The following GULP1 variants were observed in gnomAD, a reference collection of about 807,000 sequenced individuals.
The protein encoded by GULP1 is PTB domain-containing engulfment adapter protein 1.
GULP1 carries 19 observed loss-of-function variants against 40.9 expected under a neutral mutation model. The ratio of observed to expected loss-of-function variants is 0.46; its 90% CI spans 0.32 to 0.68. The LOEUF is 0.68. Ranked by LOEUF, GULP1 falls within the 30% of genes least tolerant of loss-of-function variation. The pLI is 0.03. For missense variants in GULP1, 312 were observed against 362.2 expected, an observed-to-expected ratio of 0.86 and a Z score of 1.12; for synonymous variants, 119 against 117.6, an observed-to-expected ratio of 1.01 and a Z score of -0.08.
intron 3 of GULP1, among the ~76,000 whole-genome samples, chr2:188,479,797 G>T (rs774332564): frequency 6.6e-6 from 1 of 152,060 alleles, no homozygotes; most frequent in Non-Finnish European, 1.5e-5. Flanking sequence ...CCAAGAGTTG[G>T]ATAGTAATGT....
At chr2:188,314,954 G>C (rs1311139415) in intron 1 of GULP1, among the ~76,000 whole-genome samples, 2 of 152,142 alleles carry the variant, frequency 1.3e-5, no homozygotes, top group Non-Finnish European at 2.9e-5. Flanking sequence ...TGGTATAGCA[G>C]TGCTTGTGAT....
chr2:188,306,713 A>C (rs2106236958), intron 1 of GULP1, among the ~76,000 whole-genome samples: 1 of 152,320 alleles, frequency 6.6e-6, no homozygotes, highest in African/African-American at 2.4e-5. Flanking sequence ...TTACAATCCA[A>C]AGTTTGTACT....
intron 7 of GULP1, among the ~76,000 whole-genome samples, chr2:188,564,370 C>G: frequency 6.6e-6 from 1 of 151,850 alleles, no homozygotes; most frequent in Non-Finnish European, 1.5e-5. Context: ...GATCTACAAC[C>G]ACTAGATTTA....
intron 3 of GULP1, among the ~76,000 whole-genome samples, chr2:188,480,999 A>G (rs1007567418): frequency 6.6e-6 from 1 of 152,020 alleles, no homozygotes; most frequent in African/African-American, 2.4e-5. Flanking sequence ...CTCTGATGAT[A>G]CAAAAATAAT....
chr2:188,473,153 C>G (rs1368538805), intron 2 of GULP1, among the ~76,000 whole-genome samples: 1 of 146,114 alleles, frequency 6.8e-6, no homozygotes, highest in African/African-American at 2.7e-5. Context: ...TGGGGTCTCT[C>G]TTTCTCTCTC....
intron 2 of GULP1, among the ~76,000 whole-genome samples, chr2:188,406,757 C>T (rs543618634): frequency 2.7e-4 from 41 of 151,906 alleles, no homozygotes; most frequent in Non-Finnish European, 5.6e-4. Context: ...TTCAAGTTAT[C>T]AGAGTTCATG....
At chr2:188,404,771 A>C (rs1402956092) in intron 2 of GULP1, among the ~76,000 whole-genome samples, 1 of 152,064 alleles carries the variant, frequency 6.6e-6, no homozygotes, top group Non-Finnish European at 1.5e-5. Context: ...CCGAGTCTCC[A>C]TCTCTAGGCT....
chr2:188,364,787 C>T (rs538460184), intron 1 of GULP1, among the ~76,000 whole-genome samples: 1 of 142,124 alleles, frequency 7.0e-6, no homozygotes, highest in African/African-American at 2.5e-5. Flanking sequence ...GATATATATA[C>T]ATATACATAT....
intron 3 of GULP1, among the ~76,000 whole-genome samples, chr2:188,481,241 T>C (rs556285627): frequency 6.6e-6 from 1 of 152,142 alleles, no homozygotes; most frequent in Non-Finnish European, 1.5e-5. Flanking sequence ...ATATATCTAA[T>C]ACCTTCTATG....
intron 6 of GULP1, 150 bp downstream of exon 6, chr2:188,529,345 A>G (rs1686972345): frequency 7.8e-6 from 4 of 510,104 alleles, no homozygotes; most frequent in Non-Finnish European, 3.5e-6. Context: ...AGAAGTGAAA[A>G]CAACTTTTGG....
intron 1 of GULP1, among the ~76,000 whole-genome samples, chr2:188,367,027 TGTA>T (rs1322790550): frequency 1.3e-5 from 2 of 152,242 alleles, no homozygotes; most frequent in African/African-American, 2.4e-5. Flanking sequence ...TTTTATTTGT[TGTA>T]GTAACAAATG....
chr2:188,315,664 G>T (rs1291086979), intron 1 of GULP1, among the ~76,000 whole-genome samples: 1 of 152,090 alleles, frequency 6.6e-6, no homozygotes, highest in Non-Finnish European at 1.5e-5. Flanking sequence ...CTCAGTGGAT[G>T]CCTGAAACCA....
At chr2:188,541,023 A>G (rs1690337709) in intron 6 of GULP1, among the ~76,000 whole-genome samples, 158 bp from the exon 7 acceptor site, 1 of 152,204 alleles carries the variant, frequency 6.6e-6, no homozygotes, top group Non-Finnish European at 1.5e-5. Context: ...TGTATCCATT[A>G]TGCCTTTGTT....
intron 2 of GULP1, among the ~76,000 whole-genome samples, chr2:188,426,372 G>A (rs559834616): frequency 6.6e-6 from 1 of 152,260 alleles, no homozygotes; most frequent in East Asian, 1.9e-4. Flanking sequence ...GCTTCAGAGA[G>A]AATAGATGGT....
chr2:188,373,895 T>C (rs1381970324), intron 1 of GULP1, among the ~76,000 whole-genome samples: 3 of 152,028 alleles, frequency 2.0e-5, no homozygotes, highest in East Asian at 3.8e-4. Flanking sequence ...ACATATCACA[T>C]TTATGAAATT....
chr2:188,534,865 A>G (rs1041542069), intron 6 of GULP1, among the ~76,000 whole-genome samples: 1 of 151,960 alleles, frequency 6.6e-6, no homozygotes, highest in Non-Finnish European at 1.5e-5. Context: ...TCCTTTACAA[A>G]ATATCAGTGA....
At chr2:188,531,137 G>A (rs541504549) in intron 6 of GULP1, among the ~76,000 whole-genome samples, 1 of 152,134 alleles carries the variant, frequency 6.6e-6, no homozygotes, top group Non-Finnish European at 1.5e-5. Context: ...TCTATTGGAT[G>A]CTTGTTAGAA....
At chr2:188,523,963 T>A (rs1455687058) in intron 5 of GULP1, among the ~76,000 whole-genome samples, 5 of 152,222 alleles carry the variant, frequency 3.3e-5, no homozygotes, top group Admixed American at 2.6e-4. Context: ...CCACCATTCA[T>A]TAGGTAATAA....
At chr2:188,547,806 C>T (rs916814731) in intron 7 of GULP1, among the ~76,000 whole-genome samples, 3 of 151,946 alleles carry the variant, frequency 2.0e-5, no homozygotes, top group Admixed American at 2.0e-4. Context: ...GTAGTTTGTC[C>T]CAAGGATGCA....
Sources: gnomAD v4.1 joint callset for allele counts (sites outside exome capture counted in the v4.1 genomes callset) on GRCh38, gnomAD v4.1.1 for gene constraint, MANE v1.5 for transcripts, NCBI Gene and HGNC (gene_info 2026-07-23, HGNC 2026-07-21) for gene names.